The following DOCK4 variants were observed in gnomAD, a reference collection of about 807,000 sequenced individuals.
DOCK4 encodes the protein dedicator of cytokinesis 4.
A neutral mutation model predicts 268.1 loss-of-function variants in DOCK4; 97 were observed. The ratio of observed to expected loss-of-function variants is 0.36; its 90% confidence interval spans 0.31 to 0.43. DOCK4 has a LOEUF of 0.43. Ranked by LOEUF, DOCK4 falls within the 20% of genes least tolerant of loss-of-function variation. The pLI is 1.00. For missense variants in DOCK4, 2,145 were observed against 2,455.7 expected (o/e 0.87, Z 2.67); for synonymous variants, 954 against 887.2 (o/e 1.08, Z -1.34).
intron 30 of DOCK4, among the ~76,000 whole-genome samples, chr7:111,801,166 C>A (rs1290785812): frequency 6.6e-6 from 1 of 152,208 alleles, no homozygotes; most frequent in African/African-American, 2.4e-5. Flanking sequence ...TCATGGCGAC[C>A]CACATTTGCA....
rs745495318 is a variant in DOCK4 at position 111,994,214 on chromosome 7, A to C, written c.236T>G (p.Ile79Ser). 1 of 1,593,444 alleles carries C rather than the reference A, an allele frequency of 6.3e-7. No homozygotes were observed. The highest frequency in any genetic ancestry group is 1.1e-5 in the South Asian group (1 of 87,460). ...VKNKGQFEMV[I>S]PTEDSVITEM... ...TGTGATAACAGAGTCTTCAGTGGGA[A>C]TAACCATTTCAAATTGTCTGTGAAA... The change falls in exon 5 of 53, where the codon ATT becomes AGT. Residue 79 changes from isoleucine (I) to serine (S), a missense_variant. This residue lies in a region of DOCK4 where 1,598 missense variants were observed against 1,986.7 expected (regional missense o/e 0.80). Coordinates refer to ENST00000428084, the MANE Select transcript of DOCK4 (RefSeq NM_001363540.2).
chr7:111,760,563 C>G (rs1797325002), intron 39 of DOCK4, among the ~76,000 whole-genome samples: 2 of 152,178 alleles, frequency 1.3e-5, no homozygotes, highest in South Asian at 4.1e-4. Context: ...TCCCGGTTCA[C>G]TTGCATGAGG....
At chr7:111,757,667 C>A (rs997359499) in intron 41 of DOCK4, among the ~76,000 whole-genome samples, 2 of 152,082 alleles carry the variant, frequency 1.3e-5, no homozygotes, top group African/African-American at 2.4e-5. Flanking sequence ...AAACCTTCCC[C>A]TTCTGATCTC....
At chr7:111,794,955 C>T (rs1799789843) in intron 30 of DOCK4, among the ~76,000 whole-genome samples, 1 of 152,204 alleles carries the variant, frequency 6.6e-6, no homozygotes, top group South Asian at 2.1e-4. Context: ...TCCAATTTCT[C>T]CTCTTAAAGT....
intron 13 of DOCK4, among the ~76,000 whole-genome samples, 191 bp from the exon 14 acceptor site, chr7:111,901,992 C>T (rs1355125711): frequency 6.6e-6 from 1 of 152,208 alleles, no homozygotes; most frequent in African/African-American, 2.4e-5. Flanking sequence ...CAGCCAGCCT[C>T]TGCTAGTCTG....
At chr7:111,822,493 A>T (rs763714070) in intron 26 of DOCK4, 37 bp from the exon 27 acceptor site, 1 of 1,543,910 alleles carries the variant, frequency 6.5e-7, no homozygotes, top group Non-Finnish European at 8.9e-7. Flanking sequence ...TTATTGGTTT[A>T]TTGTAACTGT....
At chr7:111,766,994 A>G (rs1797799042) in intron 38 of DOCK4, 38 bp downstream of exon 38, 3 of 1,495,998 alleles carry the variant, frequency 2.0e-6, no homozygotes, top group Non-Finnish European at 2.8e-6. Flanking sequence ...TCACAAAGGG[A>G]GGCTATGGCC....
chr7:111,948,162 T>G (rs1391404971), intron 8 of DOCK4, among the ~76,000 whole-genome samples: 1 of 152,220 alleles, frequency 6.6e-6, no homozygotes, highest in African/African-American at 2.4e-5. Flanking sequence ...GCCAAGGACT[T>G]TACATAAATT....
chr7:111,882,572 A>G (rs982216809), intron 16 of DOCK4, among the ~76,000 whole-genome samples: 5 of 152,184 alleles, frequency 3.3e-5, no homozygotes, highest in Admixed American at 2.6e-4. Context: ...TTAAGCATAG[A>G]ATCCCTTTAG....
In DOCK4 at chr7:111,864,487, G is replaced by A. The variant is rs192252448; in HGVS notation, c.2281-923C>T. Among the ~76,000 whole-genome samples the A allele has an allele frequency of 7.9e-5, 12 of 152,308 alleles. No individual in the cohort carries two copies. In the South Asian group the frequency reaches 1.7e-3, roughly 21 times the overall value. ...TTCAAGTGCTAGTTGGCGTACCAAT[G>A]AGATCTGACTCCATCAGAAAATAGG... On this transcript the variant is annotated intron_variant, in intron 22 of 52. Transcript: ENST00000428084.
chr7:112,145,507 C>T (rs1250843704), intron 1 of DOCK4, among the ~76,000 whole-genome samples: 2 of 152,202 alleles, frequency 1.3e-5, no homozygotes, highest in African/African-American at 4.8e-5. Flanking sequence ...AGAGATACAA[C>T]AGAATTCTTC....
chr7:111,922,829 C>T (rs990471349), intron 12 of DOCK4, among the ~76,000 whole-genome samples: 1 of 152,160 alleles, frequency 6.6e-6, no homozygotes, highest in African/African-American at 2.4e-5. Flanking sequence ...TATCCACCCG[C>T]CTCAGCCTCC....
Position 111,739,058 on chromosome 7 carries a change from G to T in DOCK4, c.5232+76C>A, listed in dbSNP as rs1235512527. 8 of 1,268,638 alleles carry T rather than the reference G, an allele frequency of 6.3e-6. No homozygotes were observed. The East Asian group carries it at 1.2e-4, about 18-fold the overall frequency. 78.6% of individuals were successfully genotyped at this position (1,268,638 alleles called of 1,614,324 possible). Reference sequence around the variant, plus strand: ...CAGCTGCTTGCTTTTGGCAGCTACCGCGTGTTTCTGCAGAGATAGGTAAGC... The same window carrying T: ...CAGCTGCTTGCTTTTGGCAGCTACCTCGTGTTTCTGCAGAGATAGGTAAGC... On this transcript the variant is annotated intron_variant, in intron 49 of 52. Transcript: ENST00000428084.
chr7:112,145,112 G>A (rs548464572), intron 1 of DOCK4, among the ~76,000 whole-genome samples: 4 of 152,242 alleles, frequency 2.6e-5, no homozygotes, highest in South Asian at 2.1e-4. Flanking sequence ...GGCAGGGACC[G>A]GACACCTTAG....
chr7:111,822,316 TC>T, intron 27 of DOCK4, 45 bp downstream of exon 27: 1 of 1,498,940 alleles, frequency 6.7e-7, no homozygotes, highest in Non-Finnish European at 9.2e-7. Context: ...ACTCCCTTCT[TC>T]CTCTATACAT....
At chr7:112,095,199 G>C (rs997308983) in intron 1 of DOCK4, among the ~76,000 whole-genome samples, 2 of 152,132 alleles carry the variant, frequency 1.3e-5, no homozygotes, top group African/African-American at 4.8e-5. Flanking sequence ...TGGATTATGA[G>C]CAAGGAGGAG....
At chr7:111,916,937 T>C (rs1792636891) in intron 12 of DOCK4, among the ~76,000 whole-genome samples, 1 of 151,656 alleles carries the variant, frequency 6.6e-6, no homozygotes, top group Non-Finnish European at 1.5e-5. Flanking sequence ...GAACCCAATT[T>C]GTAGTCTTTT....
intron 1 of DOCK4, among the ~76,000 whole-genome samples, chr7:112,060,026 T>C (rs1352625767): frequency 6.6e-6 from 1 of 152,246 alleles, no homozygotes; most frequent in Admixed American, 6.5e-5. Context: ...AGAAGGATCA[T>C]GATATTCATT....
intron 25 of DOCK4, among the ~76,000 whole-genome samples, chr7:111,843,938 C>T (rs570109039): frequency 1.3e-5 from 2 of 152,172 alleles, no homozygotes; most frequent in African/African-American, 4.8e-5. Context: ...TTGGAATAAG[C>T]AGTTTTTAAT....
Sources: gnomAD v4.1 joint callset for allele counts (sites outside exome capture counted in the v4.1 genomes callset) on GRCh38, gnomAD v4.1.1 for gene constraint, gnomAD v4.1.1 regional missense constraint, MANE v1.5 for transcripts, NCBI Gene and HGNC (gene_info 2026-07-23, HGNC 2026-07-21) for gene names.